Variants in TTK observed in about 807,000 individuals in gnomAD.
TTK encodes dual specificity protein kinase TTK.
A neutral mutation model predicts 117.3 loss-of-function variants in TTK; 59 were observed. The observed-to-expected ratio is 0.50, with a 90% CI of 0.41 to 0.62. The LOEUF (loss-of-function observed/expected upper bound fraction) is 0.62, where lower values mean the gene tolerates loss of function less well. Among genes scored for constraint, TTK ranks in the 20% least tolerant of loss-of-function variants. The pLI, the probability that TTK is intolerant of heterozygous loss-of-function variation, is 0.00. For missense variants in TTK, 921 were observed against 989.4 expected (o/e 0.93, Z 0.93); for synonymous variants, 302 against 325.0 (o/e 0.93, Z 0.76).
intron 2 of TTK, 98 bp from the exon 3 acceptor site, chr6:80,007,711 C>G (rs1368374694): frequency 1.2e-5 from 11 of 933,044 alleles, no homozygotes; most frequent in Non-Finnish European, 1.7e-5. Context: ...TACATTGATA[C>G]TGACAGTACA....
rs755935709 is a variant in TTK at position 80,037,900 on chromosome 6, CA to C, written c.2050-58del. ...ATAATAATAATAATAATAATAATCTCAAAAAAAAATCTAAAGCAGAATTAAA... is the reference window on the plus strand; with the variant it reads ...ATAATAATAATAATAATAATAATCTCAAAAAAAATCTAAAGCAGAATTAAA... On this transcript the variant is annotated intron_variant, in intron 17 of 21. Transcript: ENST00000369798. 3,731 of 807,048 alleles carry C rather than the reference CA, an allele frequency of 4.6e-3. 16 individuals are homozygous for C. The highest frequency in any genetic ancestry group is 5.2e-3 in the Non-Finnish European group (2,987 of 573,298). The allele number at this position is 807,048 out of a possible 1,614,324, so 50.0% of individuals were successfully genotyped here.
At chr6:80,031,129 A>T in intron 13 of TTK, among the ~76,000 whole-genome samples, 1 of 150,732 alleles carries the variant, frequency 6.6e-6, no homozygotes, top group Non-Finnish European at 1.5e-5. Context: ...AAGGAAAAAG[A>T]ATAGAAAAGA....
chr6:80,005,383 T>C (rs1766962277), intron 1 of TTK, among the ~76,000 whole-genome samples: 1 of 152,214 alleles, frequency 6.6e-6, no homozygotes. Flanking sequence ...CCCATCATGT[T>C]TATATTCTGC....
At chr6:80,036,353 A>C in intron 16 of TTK, 122 bp from the exon 17 acceptor site, 2 of 1,191,316 alleles carry the variant, frequency 1.7e-6, no homozygotes, top group Non-Finnish European at 2.3e-6. Flanking sequence ...ATATATAAAA[A>C]AATTATTGAA....
At chr6:80,039,636 T>C (rs980018333) in intron 18 of TTK, 60 bp from the exon 19 acceptor site, 46 of 1,325,354 alleles carry the variant, frequency 3.5e-5, no homozygotes, top group South Asian at 8.9e-5. Context: ...AATATATATG[T>C]TTTTTCATTT....
chr6:80,035,811 T>G (rs921762441), intron 16 of TTK, among the ~76,000 whole-genome samples: 1 of 152,112 alleles, frequency 6.6e-6, no homozygotes, highest in Non-Finnish European at 1.5e-5. Context: ...AGTTGGTTTT[T>G]TTGTTTGTTT....
Position 80,042,142 on chromosome 6 carries a change from T to C in TTK, c.2514T>C (p.Gly838=), listed in dbSNP as rs1470188109. ...AGACTTTATATGAACACTATAGTGG[T>C]GGTGAAAGTCATAATTCTTCATCCT... is the stretch of plus-strand genomic sequence containing the variant. ...AAKTLYEHYS[G]GESHNSSSSK... is the part of the protein sequence containing the mutation. The change falls in exon 22 of 22, where the codon GGT becomes GGC. Residue 838 remains glycine (G), a synonymous_variant. Coordinates refer to ENST00000369798, the MANE Select transcript of TTK (RefSeq NM_003318.5). 6.2e-7 allele frequency: 1 copy of C among 1,601,248 alleles called. No homozygotes were observed.
At chr6:80,032,254 AT>A (rs764059518) in intron 14 of TTK, among the ~76,000 whole-genome samples, 4 of 149,498 alleles carry the variant, frequency 2.7e-5, no homozygotes, top group Admixed American at 6.7e-5. Context: ...GGGACAACTG[AT>A]TTTTTTTTTC....
At chr6:80,024,023 T>G (rs924123602) in intron 11 of TTK, among the ~76,000 whole-genome samples, 1 of 152,212 alleles carries the variant, frequency 6.6e-6, no homozygotes, top group Non-Finnish European at 1.5e-5. Context: ...GAAAACCATA[T>G]GGATCATTAA....
At chr6:80,034,542 G>A (rs916406223) in intron 14 of TTK, among the ~76,000 whole-genome samples, 2 of 152,066 alleles carry the variant, frequency 1.3e-5, no homozygotes, top group Non-Finnish European at 2.9e-5. Flanking sequence ...TGCCGAGGCT[G>A]GACTCAAACT....
rs571286239 is a variant in TTK at position 80,038,187 on chromosome 6, G to A, written c.2130+140G>A. ...TACAGAGACATTGCTGGTTTTTTTCGTTTCCAATTCTTACTATTTTTCACC... is the reference window on the plus strand; with the variant it reads ...TACAGAGACATTGCTGGTTTTTTTCATTTCCAATTCTTACTATTTTTCACC... On this transcript the variant is annotated intron_variant, in intron 18 of 21. Transcript: ENST00000369798. The A allele has an allele frequency of 3.1e-4, 146 of 469,288 alleles. 1 individual carries two copies. Among genetic ancestry groups the A allele is most frequent in the Middle Eastern group, 1.5e-3 (3 of 1,984 alleles). 29.1% of individuals were successfully genotyped at this position (469,288 alleles called of 1,614,324 possible).
At chr6:80,006,055 C>A in intron 2 of TTK, 73 bp downstream of exon 2, 1 of 1,520,126 alleles carries the variant, frequency 6.6e-7, no homozygotes, top group Non-Finnish European at 8.9e-7. Context: ...TAGTACTAAT[C>A]ACTTTATTTA....
chr6:80,039,391 C>CAACT (rs3049177), intron 18 of TTK, among the ~76,000 whole-genome samples: 1 of 151,724 alleles, frequency 6.6e-6, no homozygotes, highest in Non-Finnish European at 1.5e-5. Context: ...CTGGGGAAAA[C>CAACT]AAACTTAAAA....
At chr6:80,014,233 A>G (rs912883899) in intron 9 of TTK, among the ~76,000 whole-genome samples, 1 of 152,190 alleles carries the variant, frequency 6.6e-6, no homozygotes, top group Non-Finnish European at 1.5e-5. Flanking sequence ...ATTGATTAAT[A>G]CATCCACTGA....
At chr6:80,024,474 G>A (rs1050744653) in intron 11 of TTK, among the ~76,000 whole-genome samples, 4 of 152,104 alleles carry the variant, frequency 2.6e-5, no homozygotes, top group Non-Finnish European at 4.4e-5. Context: ...CATTTACAAC[G>A]TGCTAAGTGA....
intron 1 of TTK, chr6:80,004,940 G>C (rs939246238): frequency 2.6e-5 from 4 of 152,292 alleles, no homozygotes; most frequent in African/African-American, 9.7e-5. Context: ...TAAGAAGTGG[G>C]TGTGGCCCAC....
At chr6:80,032,417 G>T (rs1481360674) in intron 14 of TTK, among the ~76,000 whole-genome samples, 2 of 152,070 alleles carry the variant, frequency 1.3e-5, no homozygotes, top group Non-Finnish European at 1.5e-5. Context: ...TCATTCATTG[G>T]TGTTCTCTTT....
At chr6:80,023,466 G>A (rs181941354) in intron 11 of TTK, among the ~76,000 whole-genome samples, 230 of 152,076 alleles carry the variant, frequency 1.5e-3, no homozygotes, top group African/African-American at 5.3e-3. Context: ...GGTGGTGGGC[G>A]CCTGTAGTCC....
At chr6:80,005,739 C>T in intron 1 of TTK, 103 bp from the exon 2 acceptor site, 1 of 1,333,266 alleles carries the variant, frequency 7.5e-7, no homozygotes, top group Non-Finnish European at 1.0e-6. Flanking sequence ...TAGATGTGTT[C>T]ACAAAACGAA....
Sources: gnomAD v4.1 joint callset for allele counts (sites outside exome capture counted in the v4.1 genomes callset) on GRCh38, gnomAD v4.1.1 for gene constraint, MANE v1.5 for transcripts, NCBI Gene and HGNC (gene_info 2026-07-23, HGNC 2026-07-21) for gene names.